CCDC6: variants seen among roughly 807,000 people sequenced by gnomAD.
CCDC6 encodes coiled-coil domain-containing protein 6.
In CCDC6, 20 loss-of-function variants were observed where a neutral mutation model predicts 56.6. The observed-to-expected ratio is 0.35, with a 90% confidence interval of 0.25 to 0.51. CCDC6 has a LOEUF of 0.51. Ranked by LOEUF, CCDC6 falls within the 20% of genes least tolerant of loss-of-function variation. CCDC6 has a pLI of 0.95. For missense variants in CCDC6, 367 were observed against 601.1 expected (o/e 0.61, Z 4.07); for synonymous variants, 241 against 234.4 (o/e 1.03, Z -0.26).
At chr10:59,799,224 A>C (rs1589033489) in intron 7 of CCDC6, among the ~76,000 whole-genome samples, 2 of 152,082 alleles carry the variant, frequency 1.3e-5, no homozygotes, top group Middle Eastern at 6.8e-3. Context: ...TGAGGTCGGG[A>C]ATTCAAGACC....
rs1476134254 is a variant in CCDC6, at chr10:59,790,646, T to G, written c.*2271A>C. ...GTCCACAGGGAGAGGCAACTAGATTTATGTGGAAAAAGTGCTGTTTGAAGG... is the reference window on the plus strand; with the variant it reads ...GTCCACAGGGAGAGGCAACTAGATTGATGTGGAAAAAGTGCTGTTTGAAGG... On this transcript the variant is annotated 3_prime_UTR_variant, in exon 9 of 9. Coordinates refer to ENST00000263102, the MANE Select transcript of CCDC6 (RefSeq NM_005436.5). 4.5e-6 allele frequency: 1 copy of G among 221,036 alleles called. No homozygotes were observed. Among genetic ancestry groups the G allele is most frequent in the Non-Finnish European group, 9.1e-6 (1 of 110,448 alleles). The allele number at this position is 221,036 out of a possible 1,614,324, so 13.7% of individuals were successfully genotyped here. A position where few individuals can be genotyped will look rare whatever the true frequency, so the allele number is the denominator to read the frequency against.
At chr10:59,874,856 C>T (rs999159254) in intron 1 of CCDC6, among the ~76,000 whole-genome samples, 3 of 152,146 alleles carry the variant, frequency 2.0e-5, no homozygotes, top group African/African-American at 7.2e-5. Flanking sequence ...ATGGACTCTC[C>T]TCTGGGACTT....
At chr10:59,878,984 C>T (rs1009633153) in intron 1 of CCDC6, among the ~76,000 whole-genome samples, 6 of 152,154 alleles carry the variant, frequency 3.9e-5, no homozygotes, top group Non-Finnish European at 7.3e-5. Context: ...ATTTGAGAAG[C>T]AGGTACCGTA....
intron 1 of CCDC6, among the ~76,000 whole-genome samples, chr10:59,887,700 G>A (rs2071393214): frequency 6.6e-6 from 1 of 152,154 alleles, no homozygotes; most frequent in Non-Finnish European, 1.5e-5. Context: ...ACTCACAAAT[G>A]TATAGACTAG....
intron 1 of CCDC6, among the ~76,000 whole-genome samples, chr10:59,874,589 G>A (rs533147769): frequency 6.6e-6 from 1 of 152,270 alleles, no homozygotes; most frequent in South Asian, 2.1e-4. Flanking sequence ...CTATGAAAAT[G>A]TTACTTACAT....
intron 3 of CCDC6, among the ~76,000 whole-genome samples, chr10:59,831,041 T>A (rs1197127705): frequency 6.6e-6 from 1 of 152,210 alleles, no homozygotes; most frequent in Non-Finnish European, 1.5e-5. Context: ...TGTCAGGGAC[T>A]TAAACACAAA....
intron 6 of CCDC6, 95 bp downstream of exon 6, chr10:59,806,827 C>T (rs1189034270): frequency 9.1e-7 from 1 of 1,100,668 alleles, no homozygotes; most frequent in East Asian, 2.4e-5. Context: ...TTTAAGCCAT[C>T]CCCTTATACA....
At chr10:59,820,101 C>CT (rs1397264876) in intron 3 of CCDC6, among the ~76,000 whole-genome samples, 5 of 152,116 alleles carry the variant, frequency 3.3e-5, no homozygotes, top group African/African-American at 1.2e-4. Context: ...ACAGCCGGTC[C>CT]CACTTGTGTC....
intron 1 of CCDC6, among the ~76,000 whole-genome samples, chr10:59,885,910 A>G (rs1195414266): frequency 2.0e-5 from 1 of 49,048 alleles, no homozygotes; most frequent in South Asian, 9.6e-4. Flanking sequence ...TCTATTTCCA[A>G]CCCCGCCCCC....
chr10:59,810,380 T>C (rs1171824453), intron 5 of CCDC6, among the ~76,000 whole-genome samples: 1 of 152,194 alleles, frequency 6.6e-6, no homozygotes, highest in Non-Finnish European at 1.5e-5. Flanking sequence ...TCTGTTAGTA[T>C]CTGCAGTCTC....
intron 3 of CCDC6, among the ~76,000 whole-genome samples, chr10:59,818,017 C>G (rs769329387): frequency 3.9e-5 from 6 of 152,088 alleles, no homozygotes; most frequent in Admixed American, 6.5e-5. Context: ...AAGATAGGAA[C>G]GGATATCGGT....
chr10:59,811,134 T>C (rs890610952), intron 5 of CCDC6, among the ~76,000 whole-genome samples: 1 of 152,212 alleles, frequency 6.6e-6, no homozygotes, highest in Non-Finnish European at 1.5e-5. Flanking sequence ...ATCTTAGAAC[T>C]GTAAGATGGT....
At chr10:59,793,135 A>T (rs771266621) in intron 8 of CCDC6, 24 bp from the exon 9 acceptor site, 1 of 1,605,574 alleles carries the variant, frequency 6.2e-7, no homozygotes, top group East Asian at 2.2e-5. Context: ...AGGAACAGCA[A>T]GTCAGTCTAG....
intron 1 of CCDC6, among the ~76,000 whole-genome samples, chr10:59,900,749 T>A (rs1365263038): frequency 6.6e-6 from 1 of 152,186 alleles, no homozygotes; most frequent in African/African-American, 2.4e-5. Context: ...TGTAAAAGAC[T>A]GTCATGACCT....
chr10:59,846,227 A>G (rs2070990230), intron 2 of CCDC6, among the ~76,000 whole-genome samples: 1 of 152,250 alleles, frequency 6.6e-6, no homozygotes. Flanking sequence ...CAGAATTGAC[A>G]GGACAAGTGA....
intron 2 of CCDC6, among the ~76,000 whole-genome samples, chr10:59,850,519 T>C (rs1330455290): frequency 1.3e-5 from 2 of 152,172 alleles, no homozygotes; most frequent in Non-Finnish European, 2.9e-5. Context: ...CACACCTTCA[T>C]ACTACGCCCT....
rs1396376264 is a variant in CCDC6 at position 59,789,826 on chromosome 10, G to C, written c.*3091C>G. ...GAAAAGTTCATGTCTACCTAACAAA[G>C]GGTGATACATGTTCTATTTTCCTAC... On this transcript the variant is annotated 3_prime_UTR_variant, in exon 9 of 9. Coordinates refer to ENST00000263102, the MANE Select transcript of CCDC6 (RefSeq NM_005436.5). 4.6e-6 allele frequency: 1 copy of C among 218,860 alleles called. No homozygotes were observed. The highest frequency in any genetic ancestry group is 2.2e-5 in the African/African-American group (1 of 44,578). The allele number at this position is 218,860 out of a possible 1,614,324, so 13.6% of individuals were successfully genotyped here.
intron 7 of CCDC6, among the ~76,000 whole-genome samples, chr10:59,795,232 C>G (rs887012820): frequency 1.8e-4 from 27 of 151,782 alleles, no homozygotes; most frequent in African/African-American, 6.3e-4. Flanking sequence ...GGTGAATATG[C>G]GAAATACATA....
At chr10:59,826,494 A>G (rs1678961022) in intron 3 of CCDC6, among the ~76,000 whole-genome samples, 1 of 150,964 alleles carries the variant, frequency 6.6e-6, no homozygotes, top group Non-Finnish European at 1.5e-5. Context: ...GAGCACCACT[A>G]CTCTCCTCCA....
Sources: allele counts gnomAD v4.1 joint callset (sites outside exome capture counted in the v4.1 genomes callset), GRCh38; gene constraint gnomAD v4.1.1; transcripts MANE v1.5; gene names NCBI Gene and HGNC (gene_info 2026-07-23, HGNC 2026-07-21).